Variants in MOXD1 observed in about 807,000 individuals in gnomAD.
The protein encoded by MOXD1 is monooxygenase DBH like 1.
A neutral mutation model predicts 66.6 loss-of-function variants in MOXD1; 62 were observed. That is an observed-to-expected ratio of 0.93 (90% CI 0.76 to 1.15). The LOEUF (loss-of-function observed/expected upper bound fraction) is 1.15, where lower values mean the gene tolerates loss of function less well. Ranked by LOEUF, MOXD1 falls within the 50% of genes most tolerant of loss-of-function variation. MOXD1 has a pLI of 0.00. For missense variants in MOXD1, 847 were observed against 754.6 expected (o/e 1.12, Z -1.44); for synonymous variants, 303 against 281.9 (o/e 1.07, Z -0.75).
intron 1 of MOXD1, among the ~76,000 whole-genome samples, chr6:132,394,483 T>C (rs949358716): frequency 1.3e-5 from 2 of 151,754 alleles, no homozygotes; most frequent in Admixed American, 6.6e-5. Flanking sequence ...ATTTAAGAAA[T>C]ACCCCCCAAA....
At chr6:132,349,415 A>ATG in intron 4 of MOXD1, among the ~76,000 whole-genome samples, 1 of 84,548 alleles carries the variant, frequency 1.2e-5, no homozygotes, top group African/African-American at 7.7e-5. Context: ...ACATATATAT[A>ATG]TATATACATA....
intron 4 of MOXD1, among the ~76,000 whole-genome samples, chr6:132,332,897 T>C (rs1293638209): frequency 1.3e-5 from 2 of 152,322 alleles, no homozygotes; most frequent in South Asian, 2.1e-4. Flanking sequence ...CAGAGCTCCA[T>C]GCCCCTTCCT....
intron 9 of MOXD1, among the ~76,000 whole-genome samples, chr6:132,316,250 A>C (rs1284453436): frequency 6.6e-6 from 1 of 152,174 alleles, no homozygotes; most frequent in East Asian, 1.9e-4. Context: ...AAAGACCTTC[A>C]AAAGAACAGA....
Position 132,372,940 on chromosome 6 carries a change from G to C in MOXD1, c.469C>G (p.Pro157Ala), listed in dbSNP as rs1776297147. The change falls in exon 3 of 12, where the codon CCC (proline) becomes GCC (alanine). Residue 157 changes from proline to alanine, a missense_variant. By Grantham distance (27) the Pro-to-Ala change is conservative. Transcript: ENST00000367963. ...YHHEDAGEAG[P>A]KYHDSNRGTK... ...CCCCTATTGGAGTCATGGTACTTGG[G>C]ACCAGCTTCTCCTGCATCTTCATGG... 2 of 1,613,804 alleles carry C rather than the reference G, an allele frequency of 1.2e-6. No individual in the cohort carries two copies. The highest frequency in any genetic ancestry group is 1.7e-6 in the Non-Finnish European group (2 of 1,179,918).
intron 4 of MOXD1, among the ~76,000 whole-genome samples, chr6:132,335,329 G>A (rs890295916): frequency 6.6e-6 from 1 of 151,584 alleles, no homozygotes; most frequent in Admixed American, 6.6e-5. Context: ...AGCGTCTCCT[G>A]AAAATTCATG....
intron 10 of MOXD1, among the ~76,000 whole-genome samples, chr6:132,307,351 G>A (rs566354065): frequency 3.4e-4 from 52 of 152,280 alleles, no homozygotes; most frequent in Middle Eastern, 6.8e-3. Context: ...CAATACAGGA[G>A]CACCCAGATT....
chr6:132,300,984 CA>C (rs1357603132), intron 10 of MOXD1, among the ~76,000 whole-genome samples: 1 of 152,040 alleles, frequency 6.6e-6, no homozygotes, highest in Non-Finnish European at 1.5e-5. Context: ...GAGAAAAGAG[CA>C]GACAGAAAAA....
At chr6:132,376,908 T>G (rs1218280300) in intron 1 of MOXD1, among the ~76,000 whole-genome samples, 1 of 152,218 alleles carries the variant, frequency 6.6e-6, no homozygotes, top group African/African-American at 2.4e-5. Context: ...TAAAACTATT[T>G]TTCCATTTTA....
chr6:132,359,451 A>G (rs898188336), intron 4 of MOXD1, among the ~76,000 whole-genome samples: 3 of 151,164 alleles, frequency 2.0e-5, no homozygotes, highest in Admixed American at 1.3e-4. Context: ...ATTTTAGAGA[A>G]TATGATACAA....
At chr6:132,308,547 A>G (rs1582560968) in intron 10 of MOXD1, among the ~76,000 whole-genome samples, 2 of 152,106 alleles carry the variant, frequency 1.3e-5, no homozygotes, top group Non-Finnish European at 2.9e-5. Context: ...TGATACCAAA[A>G]CCGGGAAGAG....
intron 1 of MOXD1, among the ~76,000 whole-genome samples, chr6:132,388,010 G>A (rs1776687217): frequency 6.6e-6 from 1 of 151,172 alleles, no homozygotes; most frequent in Admixed American, 6.6e-5. Context: ...ATTACAAGGT[G>A]TTCACAAACC....
intron 10 of MOXD1, among the ~76,000 whole-genome samples, chr6:132,304,601 C>T (rs2114533378): frequency 6.6e-6 from 1 of 152,228 alleles, no homozygotes; most frequent in Non-Finnish European, 1.5e-5. Flanking sequence ...ACAATAAATT[C>T]TAGGATTCTG....
Position 132,347,739 on chromosome 6 carries a change from C to CA in MOXD1, c.664-19146dup, listed in dbSNP as rs551266248. ...TGCCCTCTAGTTGGAAAAGGGATAGCAAAAATATTTAAAAGACTATGCTTA... is the reference window on the plus strand; with the variant it reads ...TGCCCTCTAGTTGGAAAAGGGATAGCAAAAAATATTTAAAAGACTATGCTTA... On this transcript the variant is annotated intron_variant, in intron 4 of 11. Coordinates refer to ENST00000367963, the MANE Select transcript of MOXD1 (RefSeq NM_015529.4). Among the ~76,000 whole-genome samples the CA allele has an allele frequency of 3.2e-4, 48 of 152,068 alleles. No homozygotes were observed. The East Asian group carries it at 8.1e-3, about 26-fold the overall frequency.
rs1562276293 is a variant in MOXD1 at position 132,303,806 on chromosome 6, C to CGTGT, written c.1509-5852_1509-5851insACAC. Among the ~76,000 whole-genome samples, 6 of 91,328 alleles carry CGTGT rather than the reference C, an allele frequency of 6.6e-5. No homozygotes were observed. The East Asian group carries it at 1.4e-3, about 21-fold the overall frequency. The allele number at this position is 91,328 out of a possible 152,430, so 59.9% of individuals were successfully genotyped here. A position where few individuals can be genotyped will look rare whatever the true frequency, so the allele number is the denominator to read the frequency against. On this transcript the variant is annotated intron_variant, in intron 10 of 11. Coordinates refer to ENST00000367963, the MANE Select transcript of MOXD1 (RefSeq NM_015529.4). Reference sequence around the variant, plus strand: ...ACACATATATACATATATACACACACATGTGTGTGTGTGTGTGTGTGTGTG... The same window carrying CGTGT: ...ACACATATATACATATATACACACACGTGTATGTGTGTGTGTGTGTGTGTGTGTG...
chr6:132,303,056 C>T (rs959703300), intron 10 of MOXD1, among the ~76,000 whole-genome samples: 1 of 150,640 alleles, frequency 6.6e-6, no homozygotes, highest in African/African-American at 2.5e-5. Flanking sequence ...AATGGATCCA[C>T]CTAAATGTAA....
intron 10 of MOXD1, among the ~76,000 whole-genome samples, chr6:132,310,681 A>T (rs998157749): frequency 6.6e-6 from 1 of 152,182 alleles, no homozygotes; most frequent in Non-Finnish European, 1.5e-5. Context: ...AAGGAATGAG[A>T]TCATGTCCTT....
rs565562153 is a variant in MOXD1 at position 132,298,082 on chromosome 6, A to G, written c.1509-127T>C. The stretch of plus-strand genomic sequence containing the variant: ...ATACACATAGATAACCTAATGCAAA[A>G]TGTTGATGAGCTCATCAGTGATTAC... On this transcript the variant is annotated intron_variant, in intron 10 of 11. Coordinates refer to ENST00000367963, the MANE Select transcript of MOXD1 (RefSeq NM_015529.4). 7.7e-5 allele frequency: 49 copies of G among 640,126 alleles called. No homozygotes were observed. In the African/African-American group the frequency reaches 8.9e-4, roughly 12 times the overall value. The allele number at this position is 640,126 out of a possible 1,614,324, so 39.7% of individuals were successfully genotyped here. A position where few individuals can be genotyped will look rare whatever the true frequency, so the allele number is the denominator to read the frequency against.
chr6:132,340,478 G>T (rs1456047724), intron 4 of MOXD1, among the ~76,000 whole-genome samples: 1 of 146,784 alleles, frequency 6.8e-6, no homozygotes, highest in East Asian at 2.0e-4. Flanking sequence ...TGGGAAATAG[G>T]TTAAGGTGGA....
At chr6:132,311,105 C>A (rs1774820693) in intron 10 of MOXD1, among the ~76,000 whole-genome samples, 3 of 152,206 alleles carry the variant, frequency 2.0e-5, no homozygotes, top group South Asian at 4.1e-4. Flanking sequence ...TCCATTCGTC[C>A]AGAGAGATCT....
Sources: allele counts gnomAD v4.1 joint callset (sites outside exome capture counted in the v4.1 genomes callset), GRCh38; gene constraint gnomAD v4.1.1; transcripts MANE v1.5; gene names NCBI Gene and HGNC (gene_info 2026-07-23, HGNC 2026-07-21).